PGGT1B: variants seen among roughly 807,000 people sequenced by gnomAD.
PGGT1B encodes geranylgeranyl transferase type-1 subunit beta.
In PGGT1B, 30 loss-of-function variants were observed where a neutral mutation model predicts 46.1. That is an observed-to-expected ratio of 0.65 (90% CI 0.49 to 0.88). The LOEUF (loss-of-function observed/expected upper bound fraction) is 0.88. Among genes scored for constraint, PGGT1B ranks in the 40% least tolerant of loss-of-function variants. The pLI, the probability that PGGT1B is intolerant of heterozygous loss-of-function variation, is 0.00. For missense variants in PGGT1B, 376 were observed against 455.9 expected, an observed-to-expected ratio of 0.82 and a Z score of 1.60; for synonymous variants, 170 against 160.0, an observed-to-expected ratio of 1.06 and a Z score of -0.47.
At chr5:115,252,554 G>A (rs1256475078) in intron 2 of PGGT1B, among the ~76,000 whole-genome samples, 2 of 151,914 alleles carry the variant, frequency 1.3e-5, no homozygotes, top group African/African-American at 4.8e-5. Context: ...ACTTAATAGA[G>A]TGAATAACAG....
At chr5:115,232,109 A>G (rs1429034902) in intron 5 of PGGT1B, among the ~76,000 whole-genome samples, 1 of 152,128 alleles carries the variant, frequency 6.6e-6, no homozygotes, top group African/African-American at 2.4e-5. Context: ...AACAAAGATG[A>G]AAGTGCAGTA....
chr5:115,219,347 A>G (rs1756519204), intron 7 of PGGT1B, among the ~76,000 whole-genome samples: 2 of 151,910 alleles, frequency 1.3e-5, no homozygotes, highest in Non-Finnish European at 2.9e-5. Flanking sequence ...CATTTCATGG[A>G]AAAGGACAGT....
intron 5 of PGGT1B, 135 bp downstream of exon 5, chr5:115,236,255 C>T: frequency 1.6e-6 from 1 of 635,180 alleles, no homozygotes; most frequent in Non-Finnish European, 2.7e-6. Context: ...TGTTCTGATA[C>T]ACAATTTACC....
intron 6 of PGGT1B, among the ~76,000 whole-genome samples, chr5:115,228,916 G>C (rs1031876788): frequency 1.3e-5 from 2 of 152,074 alleles, no homozygotes; most frequent in Non-Finnish European, 2.9e-5. Context: ...GTTGCTAAAG[G>C]CTTACACAGA....
At chr5:115,252,567 T>A (rs1748149671) in intron 2 of PGGT1B, among the ~76,000 whole-genome samples, 1 of 152,010 alleles carries the variant, frequency 6.6e-6, no homozygotes, top group South Asian at 2.1e-4. Flanking sequence ...AATAACAGAG[T>A]TTATAAAAAC....
intron 8 of PGGT1B, among the ~76,000 whole-genome samples, chr5:115,212,971 G>T (rs1213436886): frequency 1.3e-5 from 2 of 151,374 alleles, no homozygotes; most frequent in Non-Finnish European, 3.0e-5. Flanking sequence ...ATATCATTAA[G>T]TTTTTTTTTC....
chr5:115,226,715 T>C (rs1394715946), intron 6 of PGGT1B, among the ~76,000 whole-genome samples: 1 of 151,824 alleles, frequency 6.6e-6, no homozygotes, highest in Admixed American at 6.6e-5. Flanking sequence ...CAAGGGCATA[T>C]GGAATAAGAC....
chr5:115,227,998 T>C (rs962013763), intron 6 of PGGT1B, among the ~76,000 whole-genome samples: 1 of 152,152 alleles, frequency 6.6e-6, no homozygotes, highest in Non-Finnish European at 1.5e-5. Flanking sequence ...GAGATTAAAA[T>C]TAAACTCAAA....
rs1756173720 is a variant in PGGT1B, at chr5:115,209,942, A to G, written c.*2460T>C. The G allele has an allele frequency of 6.6e-6, 1 of 152,122 alleles. No homozygotes were observed. Among genetic ancestry groups the G allele is most frequent in the Admixed American group, 6.6e-5 (1 of 15,242 alleles). The allele number at this position is 152,122 out of a possible 1,614,324, so 9.4% of individuals were successfully genotyped here. On this transcript the variant is annotated 3_prime_UTR_variant, in exon 9 of 9. Coordinates refer to ENST00000419445, the MANE Select transcript of PGGT1B (RefSeq NM_005023.4). ...ATTTAAACCCAGGTCATCTGATTCC[A>G]GAGCACCTCCTCATTAACTGTCTCT...
intron 2 of PGGT1B, among the ~76,000 whole-genome samples, chr5:115,246,666 A>G (rs190546133): frequency 6.2e-4 from 94 of 152,308 alleles, no homozygotes; most frequent in Non-Finnish European, 1.1e-3. Context: ...CCTATTTTGA[A>G]AAAACAGAGA....
intron 3 of PGGT1B, among the ~76,000 whole-genome samples, chr5:115,241,291 T>C (rs1757337217): frequency 6.6e-6 from 1 of 152,154 alleles, no homozygotes. Flanking sequence ...TAACAATTAA[T>C]AGAAATTTGT....
chr5:115,247,484 A>C (rs1296989722), intron 2 of PGGT1B, among the ~76,000 whole-genome samples: 4 of 152,158 alleles, frequency 2.6e-5, no homozygotes, highest in Non-Finnish European at 5.9e-5. Context: ...TTTTGCCCTA[A>C]GCAAACAGAA....
intron 8 of PGGT1B, 44 bp downstream of exon 8, chr5:115,216,821 T>C (rs894468497): frequency 1.5e-5 from 14 of 932,902 alleles, no homozygotes; most frequent in Non-Finnish European, 2.3e-5. Flanking sequence ...TGAAGATCTA[T>C]TCAGGAAATA....
Position 115,217,514 on chromosome 5 carries a change from T to C in PGGT1B, c.844-541A>G, listed in dbSNP as rs577616006. On this transcript the variant is annotated intron_variant, in intron 7 of 8. Coordinates refer to ENST00000419445, the MANE Select transcript of PGGT1B (RefSeq NM_005023.4). ...ACATAAAAAACTATATAGTTTTTAA[T>C]GATTTAGGACATGTACTTGGCTTTT... 1.5e-4 allele frequency among the ~76,000 whole-genome samples: 23 copies of C among 152,192 alleles called. 1 individual carries two copies. Among genetic ancestry groups the C allele is most frequent in the African/African-American group, 5.5e-4 (23 of 41,574 alleles).
chr5:115,208,639 G>C lies in PGGT1B; in HGVS notation c.*3763C>G, dbSNP rs368927680. ...AAATAGGTTAGCTGGTAGTTTATCT[G>C]ACTCAACTCCCCGCACTACCCATCA... On this transcript the variant is annotated 3_prime_UTR_variant, in exon 9 of 9. Coordinates refer to ENST00000419445, the MANE Select transcript of PGGT1B (RefSeq NM_005023.4). 1 of 151,806 alleles carries C rather than the reference G, an allele frequency of 6.6e-6. No individual in the cohort carries two copies. Among genetic ancestry groups the C allele is most frequent in the Non-Finnish European group, 1.5e-5 (1 of 67,896 alleles). 9.4% of individuals were successfully genotyped at this position (151,806 alleles called of 1,614,324 possible). A position where few individuals can be genotyped will look rare whatever the true frequency, so the allele number is the denominator to read the frequency against.
At chr5:115,239,091 T>G (rs1757274762) in intron 3 of PGGT1B, among the ~76,000 whole-genome samples, 1 of 151,888 alleles carries the variant, frequency 6.6e-6, no homozygotes, top group African/African-American at 2.4e-5. Flanking sequence ...CAGGCTGGAG[T>G]GCAGTGGCAC....
In PGGT1B at chr5:115,241,501, C is replaced by T. The variant is rs370206520; in HGVS notation, c.327+38G>A. 72 of 1,297,320 alleles carry T rather than the reference C, an allele frequency of 5.5e-5. 1 individual carries two copies. Among genetic ancestry groups the T allele is most frequent in the Middle Eastern group, 2.2e-4 (1 of 4,626 alleles). The allele number at this position is 1,297,320 out of a possible 1,614,324, so 80.4% of individuals were successfully genotyped here. A position where few individuals can be genotyped will look rare whatever the true frequency, so the allele number is the denominator to read the frequency against. ...TTTCTCTTTTATTAAAATATCCCTA[C>T]ATCCCTTCTACTTCCTTCTGAACCA... On this transcript the variant is annotated intron_variant, in intron 3 of 8. Coordinates refer to ENST00000419445, the MANE Select transcript of PGGT1B (RefSeq NM_005023.4).
intron 2 of PGGT1B, 184 bp downstream of exon 2, chr5:115,252,953 T>G: frequency 1.8e-6 from 1 of 547,400 alleles, no homozygotes; most frequent in Middle Eastern, 4.6e-4. Context: ...AATTGTTTTC[T>G]TGAGATTATG....
At chr5:115,259,362 A>T (rs1748453360) in intron 1 of PGGT1B, among the ~76,000 whole-genome samples, 1 of 152,114 alleles carries the variant, frequency 6.6e-6, no homozygotes, top group Non-Finnish European at 1.5e-5. Context: ...CCACCACTAC[A>T]CTTTGAAAGA....
Sources: gnomAD v4.1 joint callset for allele counts (sites outside exome capture counted in the v4.1 genomes callset) on GRCh38, gnomAD v4.1.1 for gene constraint, MANE v1.5 for transcripts, NCBI Gene and HGNC (gene_info 2026-07-23, HGNC 2026-07-21) for gene names.